The following CRLF2 variants were observed in gnomAD, a reference collection of about 807,000 sequenced individuals.
CRLF2 encodes cytokine receptor like factor 2.
CRLF2 carries 41 observed loss-of-function variants against 38.7 expected under a neutral mutation model. That is an observed-to-expected ratio of 1.06 (90% CI 0.83 to 1.37). The LOEUF (loss-of-function observed/expected upper bound fraction) is 1.37, where lower values mean the gene tolerates loss of function less well. Among genes scored for constraint, CRLF2 ranks in the 40% most tolerant of loss-of-function variants. CRLF2 has a pLI of 0.00. For missense variants in CRLF2, 377 were observed against 322.2 expected (o/e 1.17, Z -1.30); for synonymous variants, 140 against 128.8 (o/e 1.09, Z -0.59).
chrX:1,210,465 C>T (rs1368779211), intron 1 of CRLF2, among the ~76,000 whole-genome samples: 1 of 152,110 alleles, frequency 6.6e-6, no homozygotes, highest in Non-Finnish European at 1.5e-5. Flanking sequence ...AGGCACCTGC[C>T]ACCATGCCCG....
intron 1 of CRLF2, among the ~76,000 whole-genome samples, chrX:1,210,949 A>G (rs2086786388): frequency 6.6e-6 from 1 of 151,500 alleles, no homozygotes; most frequent in Non-Finnish European, 1.5e-5. Flanking sequence ...GGATGGATGC[A>G]TGGATAGATG....
chrX:1,203,119 A>G lies in CRLF2; in HGVS notation c.350-584T>C, dbSNP rs1214097443. 2.1e-3 allele frequency among the ~76,000 whole-genome samples: 283 copies of G among 134,200 alleles called. 2 individuals are homozygous for G. Among genetic ancestry groups the G allele is most frequent in the African/African-American group, 5.9e-3 (230 of 38,822 alleles). The allele number at this position is 134,200 out of a possible 152,430, so 88.0% of individuals were successfully genotyped here. Reference sequence around the variant, plus strand: ...TCAAAAAAAAAAAAAAAAAAAAAAAAAAGGATCATTATAGATTCAGTTAGT... The same window carrying G: ...TCAAAAAAAAAAAAAAAAAAAAAAAGAAGGATCATTATAGATTCAGTTAGT... On this transcript the variant is annotated intron_variant, in intron 3 of 7. Transcript: ENST00000400841.
intron 1 of CRLF2, 28 bp from the exon 2 acceptor site, chrX:1,208,936 A>G (rs1395891161): frequency 2.5e-6 from 3 of 1,193,652 alleles, no homozygotes; most frequent in Non-Finnish European, 3.7e-6. Flanking sequence ...CATGAAGTTC[A>G]CGGTGAGGCA....
intron 6 of CRLF2, 158 bp downstream of exon 6, chrX:1,196,622 C>G (rs2086480342): frequency 4.1e-6 from 4 of 978,256 alleles, no homozygotes; most frequent in Non-Finnish European, 5.9e-6. Context: ...TGCCCAGCCC[C>G]TCCGAAATTT....
At chrX:1,200,434 A>G in intron 4 of CRLF2, among the ~76,000 whole-genome samples, 1 of 145,388 alleles carries the variant, frequency 6.9e-6, no homozygotes, top group African/African-American at 2.5e-5. Context: ...ATGTGTGTAT[A>G]TGTGTTTATA....
chrX:1,203,119 AAAG>A (rs2086637990), intron 3 of CRLF2, among the ~76,000 whole-genome samples: 3 of 134,094 alleles, frequency 2.2e-5, no homozygotes, highest in Non-Finnish European at 3.3e-5. Flanking sequence ...AAAAAAAAAA[AAAG>A]GATCATTATA....
intron 7 of CRLF2, among the ~76,000 whole-genome samples, chrX:1,192,961 G>A (rs1190012159): frequency 6.6e-6 from 1 of 151,390 alleles, no homozygotes. Context: ...TTACAGGAGT[G>A]AGCCAGCACG....
At chrX:1,204,096 A>AAAAAAGAG (rs370190016) in intron 3 of CRLF2, among the ~76,000 whole-genome samples, 1 of 133,442 alleles carries the variant, frequency 7.5e-6, no homozygotes, top group Non-Finnish European at 1.6e-5. Context: ...TCTCAAAAAA[A>AAAAAAGAG]AGAGAGAACA....
chrX:1,205,018 G>T (rs1272463578), intron 3 of CRLF2, among the ~76,000 whole-genome samples: 4 of 150,728 alleles, frequency 2.7e-5, no homozygotes, highest in African/African-American at 7.3e-5. Context: ...GTAGAGATGG[G>T]GTTTCACCAT....
At chrX:1,206,292 G>A in intron 3 of CRLF2, 141 bp downstream of exon 3, 1 of 738,072 alleles carries the variant, frequency 1.4e-6, no homozygotes, top group Non-Finnish European at 2.4e-6. Flanking sequence ...AGGAAGTACT[G>A]AAAGGCATGG....
intron 3 of CRLF2, among the ~76,000 whole-genome samples, chrX:1,205,869 G>C (rs2086682074): frequency 1.3e-5 from 2 of 151,570 alleles, no homozygotes; most frequent in African/African-American, 4.9e-5. Context: ...TAAGCTGAAG[G>C]AAGTACGAAA....
chrX:1,192,441 C>T (rs2147818904), intron 7 of CRLF2, among the ~76,000 whole-genome samples: 2 of 151,326 alleles, frequency 1.3e-5, no homozygotes, highest in East Asian at 4.0e-4. Context: ...GGTGAAAAAA[C>T]CCATCTGTAC....
chrX:1,210,103 CAAA>C (rs1290430150), intron 1 of CRLF2, among the ~76,000 whole-genome samples: 1 of 37,202 alleles, frequency 2.7e-5, no homozygotes, highest in Non-Finnish European at 4.6e-5. Context: ...GACTCCCTAT[CAAA>C]AAAAAAAAAG....
At chrX:1,209,621 G>T (rs182580837) in intron 1 of CRLF2, among the ~76,000 whole-genome samples, 1 of 152,074 alleles carries the variant, frequency 6.6e-6, no homozygotes, top group Admixed American at 6.6e-5. Context: ...GTGAGCCACC[G>T]CGCCCGGCTG....
At position 1,205,513 on chromosome X, in the gene CRLF2, G is replaced by C. The variant is rs144604290; in HGVS notation, c.349+920C>G. On this transcript the variant is annotated intron_variant, in intron 3 of 7. Coordinates refer to ENST00000400841, the MANE Select transcript of CRLF2 (RefSeq NM_022148.4). ...TTGTTATGGTAATCATTGATCCCGC[G>C]ACTTGCGAGAGCTTGCTTTTCAGTA... is the stretch of plus-strand genomic sequence containing the variant. 1.8e-3 allele frequency among the ~76,000 whole-genome samples: 274 copies of C among 151,990 alleles called. 2 individuals are homozygous for C. Among genetic ancestry groups the C allele is most frequent in the African/African-American group, 6.3e-3 (262 of 41,432 alleles).
chrX:1,212,582 C>T lies in CRLF2; in HGVS notation c.53G>A (p.Trp18Ter), dbSNP rs1363545051. ...WGAAVFLLGG[W>*]MALGQGGAAE... ...TGCTCCTCCTTGCCCCAAAGCCATCCAGCCTCCCAGCAGAAAGACGGCAGC... is the reference window on the plus strand; with the variant it reads ...TGCTCCTCCTTGCCCCAAAGCCATCTAGCCTCCCAGCAGAAAGACGGCAGC... The change falls in exon 1 of 8, where the codon TGG (tryptophan) becomes TAG (stop). Residue 18 changes from tryptophan to a stop codon, truncating the protein, a stop_gained. Transcript: ENST00000400841. LOFTEE classifies it high-confidence loss of function. 6.2e-7 allele frequency: 1 copy of T among 1,612,716 alleles called. No individual in the cohort carries two copies.
intron 7 of CRLF2, among the ~76,000 whole-genome samples, chrX:1,191,833 C>G (rs1320993311): frequency 6.6e-6 from 1 of 151,900 alleles, no homozygotes; most frequent in Non-Finnish European, 1.5e-5. Flanking sequence ...GCCTGGCCCC[C>G]AAAAATAAAA....
At chrX:1,202,324 A>G in intron 4 of CRLF2, 78 bp downstream of exon 4, 2 of 1,563,200 alleles carry the variant, frequency 1.3e-6, no homozygotes, top group Non-Finnish European at 1.8e-6. Flanking sequence ...GCGAGGTCTG[A>G]TGAAACAGCG....
intron 4 of CRLF2, 90 bp downstream of exon 4, chrX:1,202,312 G>T: frequency 6.8e-7 from 1 of 1,460,242 alleles, no homozygotes; most frequent in South Asian, 1.2e-5. Context: ...AGACAGAGGG[G>T]AGCGAGGTCT....
Sources: allele counts gnomAD v4.1 joint callset (sites outside exome capture counted in the v4.1 genomes callset), GRCh38; gene constraint gnomAD v4.1.1; transcripts MANE v1.5; gene names NCBI Gene and HGNC (gene_info 2026-07-23, HGNC 2026-07-21).